Variants in INTS7 observed in about 807,000 individuals in gnomAD.
INTS7 encodes integrator complex subunit 7, also known as chromosome 1 open reading frame 73.
A neutral mutation model predicts 109.2 loss-of-function variants in INTS7; 46 were observed. That is an observed-to-expected ratio of 0.42 (90% CI 0.33 to 0.54). INTS7 has a LOEUF of 0.54. INTS7 is among the 20% of genes least tolerant of loss of function. The probability of loss-of-function intolerance (pLI) is 0.07; values close to 1 mark genes in which losing one functional copy is unlikely to be tolerated. For synonymous variants in INTS7, 412 were observed against 402.9 expected (o/e 1.02, Z -0.27); for missense variants, 929 against 1,132.4 (o/e 0.82, Z 2.58).
chr1:212,007,233 A>C lies in INTS7; in HGVS notation c.756+17T>G. The C allele has an allele frequency of 6.3e-7, 1 of 1,580,398 alleles. No individual in the cohort carries two copies. The highest frequency in any genetic ancestry group is 8.7e-7 in the Non-Finnish European group (1 of 1,150,596). On this transcript the variant is annotated intron_variant, in intron 6 of 19. Coordinates refer to ENST00000366994, the MANE Select transcript of INTS7 (RefSeq NM_015434.4). The stretch of plus-strand genomic sequence containing the variant: ...AAGTTTACCAAAGATAGGCAGTTTA[A>C]AGAAAATTGAAATTACCTGCTTAGG...
At chr1:211,994,807 C>T (rs3009995) in intron 7 of INTS7, among the ~76,000 whole-genome samples, 6,885 of 142,892 alleles carry the variant, frequency 0.048, 227 homozygotes, top group African/African-American at 0.088. Context: ...AAACAAAACA[C>T]AAAAATCCAT....
intron 7 of INTS7, among the ~76,000 whole-genome samples, chr1:212,005,711 A>T (rs1665875236): frequency 6.6e-6 from 1 of 152,174 alleles, no homozygotes; most frequent in African/African-American, 2.4e-5. Flanking sequence ...AAGCAATAAG[A>T]CTAGGGATCA....
At chr1:211,980,928 T>A (rs1036869855) in intron 10 of INTS7, among the ~76,000 whole-genome samples, 165 bp downstream of exon 10, 1 of 152,236 alleles carries the variant, frequency 6.6e-6, no homozygotes, top group Non-Finnish European at 1.5e-5. Flanking sequence ...TCAGTTTTTT[T>A]GTGGTTTTAT....
At chr1:211,971,915 C>CAAAAAAAAAAAAAAAA (rs745814699) in intron 13 of INTS7, among the ~76,000 whole-genome samples, 67 of 79,722 alleles carry the variant, frequency 8.4e-4, no homozygotes, top group East Asian at 1.7e-3. Flanking sequence ...AACTCAGTCT[C>CAAAAAAAAAAAAAAAA]AAAAAAAAAA....
intron 1 of INTS7, among the ~76,000 whole-genome samples, chr1:212,022,368 A>G (rs1666744716): frequency 6.6e-6 from 1 of 152,250 alleles, no homozygotes; most frequent in South Asian, 2.1e-4. Flanking sequence ...AAGAAGACGA[A>G]AAGACAACCA....
chr1:211,955,282 G>A (rs1175948309), intron 16 of INTS7, among the ~76,000 whole-genome samples: 1 of 152,164 alleles, frequency 6.6e-6, no homozygotes, highest in African/African-American at 2.4e-5. Context: ...ATCAGCCTAA[G>A]GAGATTTTGG....
At chr1:212,012,279 G>A (rs1666196726) in intron 4 of INTS7, among the ~76,000 whole-genome samples, 1 of 151,996 alleles carries the variant, frequency 6.6e-6, no homozygotes. Flanking sequence ...GGGGGAGGGG[G>A]CGGAGAACAG....
chr1:212,010,191 C>G (rs1457049444), intron 5 of INTS7, among the ~76,000 whole-genome samples: 2 of 152,148 alleles, frequency 1.3e-5, no homozygotes, highest in Non-Finnish European at 2.9e-5. Context: ...TTGCACAATT[C>G]AAAGGAATGC....
intron 16 of INTS7, among the ~76,000 whole-genome samples, chr1:211,953,714 T>TA (rs1027746183): frequency 6.6e-6 from 1 of 151,602 alleles, no homozygotes; most frequent in Non-Finnish European, 1.5e-5. Flanking sequence ...TCCATGTCCC[T>TA]ACAAAGGACA....
At chr1:212,031,464 G>A (rs1433153517) in intron 1 of INTS7, among the ~76,000 whole-genome samples, 3 of 152,102 alleles carry the variant, frequency 2.0e-5, no homozygotes, top group Non-Finnish European at 2.9e-5. Flanking sequence ...CTCTGCTTGT[G>A]TATGCTCAGT....
intron 17 of INTS7, among the ~76,000 whole-genome samples, chr1:211,951,250 G>A (rs1040598904): frequency 6.6e-6 from 1 of 152,128 alleles, no homozygotes; most frequent in Non-Finnish European, 1.5e-5. Context: ...AACCCCCAAG[G>A]TAATGGCATT....
In INTS7 at chr1:212,020,132, T is replaced by C. The variant is rs1197107718; in HGVS notation, c.361A>G (p.Ile121Val). ...IHSNDPVARAITLRMLGSLAS... is the reference protein window; with the variant it reads ...IHSNDPVARAVTLRMLGSLAS... ...TAATACGGTATATACCGGAGGGTGATGGCTCTTGCCACAGGATCATTACTA... is the reference window on the plus strand; with the variant it reads ...TAATACGGTATATACCGGAGGGTGACGGCTCTTGCCACAGGATCATTACTA... The change falls in exon 3 of 20, where the codon ATC becomes GTC. Residue 121 changes from isoleucine (I) to valine (V), a missense_variant. Around this residue, in one of 2 missense-constraint regions of INTS7, gnomAD observed 142 missense variants for 231.4 expected, o/e 0.61. Transcript: ENST00000366994. 2 of 1,601,182 alleles carry C rather than the reference T, an allele frequency of 1.2e-6. No individual in the cohort carries two copies. The highest frequency in any genetic ancestry group is 3.5e-5 in the Admixed American group (2 of 57,880).
At position 211,941,923 on chromosome 1, in the gene INTS7, G is replaced by A. The variant is rs867284870; in HGVS notation, c.2790C>T (p.Ser930=). ...TTTGCTGGGAATAAGGGTCTTCCAG[G>A]GATTTTACAAATATGGTAGTTCTGG... is the stretch of plus-strand genomic sequence containing the variant. ...TGPRTTIFVK[S]LEDPYSQQIR... The change falls in exon 20 of 20, where the codon TCC becomes TCT. Residue 930 remains serine (S), a synonymous_variant. Coordinates refer to ENST00000366994, the MANE Select transcript of INTS7 (RefSeq NM_015434.4). 10 of 1,614,086 alleles carry A rather than the reference G, an allele frequency of 6.2e-6. No homozygotes were observed. The highest frequency in any genetic ancestry group is 8.5e-6 in the Non-Finnish European group (10 of 1,180,016).
In INTS7 at chr1:211,946,523, T is replaced by C. The variant is rs893044174; in HGVS notation, c.2415+84A>G. On this transcript the variant is annotated intron_variant, in intron 18 of 19. Transcript: ENST00000366994. This position sits in a 1 kb window ranked among gnomAD's most constrained non-coding sequence, Gnocchi z 4.3. ...AACCAATAAACCAAAGGTAACACACTGAAGTGTAGCTATGTCCTACATAAT... is the reference window on the plus strand; with the variant it reads ...AACCAATAAACCAAAGGTAACACACCGAAGTGTAGCTATGTCCTACATAAT... 1.8e-5 allele frequency: 14 copies of C among 784,844 alleles called. No homozygotes were observed. The highest frequency in any genetic ancestry group is 2.8e-5 in the Non-Finnish European group (13 of 466,592). The allele number at this position is 784,844 out of a possible 1,614,324, so 48.6% of individuals were successfully genotyped here.
chr1:212,019,040 A>T (rs1666574177), intron 3 of INTS7, among the ~76,000 whole-genome samples: 1 of 152,220 alleles, frequency 6.6e-6, no homozygotes. Context: ...ACCTGAGGTC[A>T]GGAGTTCGAG....
intron 10 of INTS7, among the ~76,000 whole-genome samples, chr1:211,979,003 T>C (rs949631332): frequency 3.3e-5 from 5 of 152,204 alleles, no homozygotes; most frequent in African/African-American, 1.2e-4. Flanking sequence ...CTAAGTACAC[T>C]GAAGTGGGAA....
At chr1:212,029,555 G>A (rs1667063435) in intron 1 of INTS7, among the ~76,000 whole-genome samples, 1 of 152,196 alleles carries the variant, frequency 6.6e-6, no homozygotes, top group Non-Finnish European at 1.5e-5. Context: ...TAGGAAATAA[G>A]TTTTTGCTTC....
chr1:211,982,003 AG>A (rs1202921941), intron 9 of INTS7, among the ~76,000 whole-genome samples: 1 of 152,182 alleles, frequency 6.6e-6, no homozygotes, highest in East Asian at 1.9e-4. Context: ...AACAGGTACT[AG>A]GAACAAGCAG....
Position 211,959,943 on chromosome 1 carries a change from C to G in INTS7, c.2183+6487G>C, listed in dbSNP as rs183307163. 6.6e-6 allele frequency among the ~76,000 whole-genome samples: 1 copy of G among 151,842 alleles called. No individual in the cohort carries two copies. Among genetic ancestry groups the G allele is most frequent in the Admixed American group, 6.5e-5 (1 of 15,278 alleles). ...CATCCCAGACCTGCTAGTATCCTGC[C>G]GCGGTGGACAAGTGTGCATCCCGTT... On this transcript the variant is annotated intron_variant, in intron 16 of 19. Transcript: ENST00000366994. This position sits in a 1 kb window ranked among gnomAD's most constrained non-coding sequence, Gnocchi z 4.2.
Sources: allele counts gnomAD v4.1 joint callset (sites outside exome capture counted in the v4.1 genomes callset), GRCh38; gene constraint gnomAD v4.1.1; regional missense constraint gnomAD v4.1.1; non-coding constraint Gnocchi (gnomAD v3.1); transcripts MANE v1.5; gene names NCBI Gene and HGNC (gene_info 2026-07-23, HGNC 2026-07-21).